ASXL2: variants seen among roughly 807,000 people sequenced by gnomAD.
ASXL2 encodes ASXL transcriptional regulator 2, also known as putative Polycomb group protein ASXL2.
ASXL2 carries 23 observed loss-of-function variants against 122.0 expected under a neutral mutation model. The ratio of observed to expected loss-of-function variants is 0.19; its 90% CI spans 0.14 to 0.27. The LOEUF is 0.27. Ranked by LOEUF, ASXL2 falls within the 10% of genes least tolerant of loss-of-function variation. ASXL2 has a pLI of 1.00. For synonymous variants in ASXL2, 650 were observed against 637.0 expected (o/e 1.02, Z -0.31); for missense variants, 1,518 against 1,713.8 (o/e 0.89, Z 2.02).
chr2:25,804,323 C>T (rs1172412458), intron 4 of ASXL2, among the ~76,000 whole-genome samples: 3 of 152,226 alleles, frequency 2.0e-5, no homozygotes, highest in Non-Finnish European at 4.4e-5. Flanking sequence ...AAACTCTCTC[C>T]TCAATTCACC....
intron 1 of ASXL2, among the ~76,000 whole-genome samples, chr2:25,863,931 G>A (rs2089867384): frequency 6.6e-6 from 1 of 150,712 alleles, no homozygotes; most frequent in South Asian, 2.1e-4. Context: ...GCTTGAACCC[G>A]GGAGGTGGGG....
At position 25,749,994 on chromosome 2, in the gene ASXL2, A is replaced by G; in HGVS notation, c.1562T>C (p.Leu521Ser). The change falls in exon 12 of 13, where the codon TTA becomes TCA. Residue 521 changes from leucine (L) to serine (S), a missense_variant. This residue lies in a region of ASXL2 where 292 missense variants were observed against 293.5 expected (regional missense o/e 1.00). Transcript: ENST00000435504. ...CTTGGGTTTGCTTGGCGATGTAACT[A>G]AAGATTCTTGGCTTTCACTTTTGTT... ...NYNKSESQES[L>S]VTSPSKPKSP... is the part of the protein sequence containing the mutation. 2 of 1,613,942 alleles carry G rather than the reference A, an allele frequency of 1.2e-6. No individual in the cohort carries two copies. The highest frequency in any genetic ancestry group is 1.7e-6 in the Non-Finnish European group (2 of 1,179,876).
intron 3 of ASXL2, among the ~76,000 whole-genome samples, chr2:25,809,152 C>A (rs1388982608): frequency 6.6e-6 from 1 of 152,088 alleles, no homozygotes; most frequent in East Asian, 1.9e-4. Flanking sequence ...AAAACATAAT[C>A]TTTCAAGGAG....
chr2:25,768,647 T>G, intron 7 of ASXL2, 95 bp downstream of exon 7: 2 of 1,371,322 alleles, frequency 1.5e-6, no homozygotes, highest in Non-Finnish European at 2.0e-6. Flanking sequence ...TAAATATAAT[T>G]TAAAAATAAA....
chr2:25,877,989 G>T (rs1468524511), intron 1 of ASXL2, among the ~76,000 whole-genome samples, 177 bp downstream of exon 1: 1 of 152,090 alleles, frequency 6.6e-6, no homozygotes, highest in Admixed American at 6.5e-5. Context: ...ATCACGTTCC[G>T]CCGGGCGCCT....
At chr2:25,845,405 A>G (rs935067318) in intron 2 of ASXL2, 76 bp downstream of exon 2, 157 of 1,337,964 alleles carry the variant, frequency 1.2e-4, no homozygotes, top group Non-Finnish European at 1.5e-4. Flanking sequence ...CTTCAGGACT[A>G]AAGTATACTA....
chr2:25,821,756 A>G (rs1355036728), intron 3 of ASXL2, among the ~76,000 whole-genome samples: 1 of 152,242 alleles, frequency 6.6e-6, no homozygotes, highest in Non-Finnish European at 1.5e-5. Flanking sequence ...AACAAACACC[A>G]TAAATATCCA....
chr2:25,766,046 G>C (rs7581916), intron 8 of ASXL2, among the ~76,000 whole-genome samples: 6,455 of 151,900 alleles, frequency 0.042, 211 homozygotes, highest in African/African-American at 0.08. Context: ...GTTCTCATTA[G>C]ATCAGTCTGG....
At chr2:25,792,247 C>T (rs961659660) in intron 5 of ASXL2, among the ~76,000 whole-genome samples, 1 of 152,164 alleles carries the variant, frequency 6.6e-6, no homozygotes, top group African/African-American at 2.4e-5. Context: ...AGTGATCCTC[C>T]CACCTTGGCC....
intron 9 of ASXL2, among the ~76,000 whole-genome samples, chr2:25,757,728 G>A (rs1193228493): frequency 2.0e-5 from 3 of 146,698 alleles, no homozygotes; most frequent in African/African-American, 5.0e-5. Flanking sequence ...TGCACTCTAT[G>A]GGAAAATGAA....
At chr2:25,812,603 G>C (rs2089185910) in intron 3 of ASXL2, among the ~76,000 whole-genome samples, 1 of 152,164 alleles carries the variant, frequency 6.6e-6, no homozygotes, top group Non-Finnish European at 1.5e-5. Context: ...CCTTAGGAAA[G>C]TAATATGGAA....
At chr2:25,871,106 T>A (rs1002819817) in intron 1 of ASXL2, among the ~76,000 whole-genome samples, 1 of 152,148 alleles carries the variant, frequency 6.6e-6, no homozygotes, top group South Asian at 2.1e-4. Context: ...AGTAAAAACA[T>A]AACAAATCAC....
At position 25,740,094 on chromosome 2, in the gene ASXL2, GAAGA is replaced by G. The variant is rs374645958; in HGVS notation, c.*1931_*1934del. On this transcript the variant is annotated 3_prime_UTR_variant, in exon 13 of 13. Transcript: ENST00000435504. ...TCTTATCTCTTAGCTGTGTGTGCTGGAAGAAAGGAGAAAGATGGACAGACATATC... is the reference window on the plus strand; with the variant it reads ...TCTTATCTCTTAGCTGTGTGTGCTGGAAGGAGAAAGATGGACAGACATATC... 4.4e-4 allele frequency: 99 copies of G among 226,304 alleles called. 1 individual carries two copies. Among genetic ancestry groups the G allele is most frequent in the African/African-American group, 2.1e-3 (93 of 45,092 alleles). 14.0% of individuals were successfully genotyped at this position (226,304 alleles called of 1,614,324 possible).
intron 1 of ASXL2, among the ~76,000 whole-genome samples, chr2:25,859,374 T>A (rs1409123308): frequency 1.3e-5 from 2 of 152,210 alleles, no homozygotes; most frequent in Admixed American, 6.5e-5. Context: ...TTATAACTTT[T>A]AAGCAAAAAG....
intron 5 of ASXL2, among the ~76,000 whole-genome samples, chr2:25,773,199 G>A (rs1181800247): frequency 6.8e-6 from 1 of 147,048 alleles, no homozygotes; most frequent in Non-Finnish European, 1.5e-5. Flanking sequence ...CAGAGCGAGA[G>A]TCCATCTCAA....
intron 5 of ASXL2, among the ~76,000 whole-genome samples, chr2:25,790,762 G>C (rs1467061868): frequency 7.0e-6 from 1 of 143,124 alleles, no homozygotes; most frequent in African/African-American, 2.5e-5. Flanking sequence ...ACAAAAATAT[G>C]AAACAAACAA....
intron 1 of ASXL2, among the ~76,000 whole-genome samples, chr2:25,847,281 T>G (rs912560136): frequency 6.6e-6 from 1 of 152,320 alleles, no homozygotes; most frequent in Middle Eastern, 3.4e-3. Flanking sequence ...CATCTAACAT[T>G]ATTAAACTGT....
intron 8 of ASXL2, among the ~76,000 whole-genome samples, chr2:25,761,471 G>A (rs1197262724): frequency 2.0e-5 from 3 of 151,978 alleles, no homozygotes; most frequent in South Asian, 4.1e-4. Flanking sequence ...TCAGGAGATC[G>A]AGACCATCCT....
At chr2:25,863,096 G>A (rs188476643) in intron 1 of ASXL2, among the ~76,000 whole-genome samples, 81 of 151,920 alleles carry the variant, frequency 5.3e-4, no homozygotes, top group African/African-American at 1.9e-3. Flanking sequence ...CTGGAAGGCC[G>A]AAGCACGTGG....
Sources: gnomAD v4.1 joint callset for allele counts (sites outside exome capture counted in the v4.1 genomes callset) on GRCh38, gnomAD v4.1.1 for gene constraint, gnomAD v4.1.1 regional missense constraint, MANE v1.5 for transcripts, NCBI Gene and HGNC (gene_info 2026-07-23, HGNC 2026-07-21) for gene names.